The following PDE8A variants were observed in gnomAD, a reference collection of about 807,000 sequenced individuals.
The protein encoded by PDE8A is phosphodiesterase 8A.
A neutral mutation model predicts 105.0 loss-of-function variants in PDE8A; 59 were observed. That is an observed-to-expected ratio of 0.56 (90% CI 0.46 to 0.70). The LOEUF (loss-of-function observed/expected upper bound fraction) is 0.70, where lower values mean the gene tolerates loss of function less well. Ranked by LOEUF, PDE8A falls within the 30% of genes least tolerant of loss-of-function variation. PDE8A has a pLI of 0.00. For synonymous variants in PDE8A, 355 were observed against 371.9 expected (o/e 0.95, Z 0.52); for missense variants, 1,014 against 1,045.9 (o/e 0.97, Z 0.42).
intron 5 of PDE8A, among the ~76,000 whole-genome samples, chr15:85,081,013 A>G (rs2081456676): frequency 6.6e-6 from 1 of 152,226 alleles, no homozygotes; most frequent in Non-Finnish European, 1.5e-5. Flanking sequence ...CTAACTAATT[A>G]GTGCTAACTA....
rs1371863087 is a variant in PDE8A, at chr15:85,109,094, C to G, written c.1078C>G (p.Leu360Val). 1 of 1,611,808 alleles carries G rather than the reference C, an allele frequency of 6.2e-7. No individual in the cohort carries two copies. The highest frequency in any genetic ancestry group is 8.5e-7 in the Non-Finnish European group (1 of 1,178,444). ...GKHKDRRKGS[L>V]DVKAVASRAT... ...ACATAAAGACAGGAGAAAAGGCTCA[C>G]TAGACGTCAAAGCTGTTGCCTCCCG... Residue 360 changes from leucine to valine, a missense_variant, in exon 12 of 22, where the codon CTA (leucine) becomes GTA (valine). Leu to Val is a conservative substitution (Grantham distance 32). Transcript: ENST00000394553.
In PDE8A at chr15:85,137,990, G is replaced by A. The variant is rs921165199; in HGVS notation, c.*87G>A. ...CAGCCAGAGCTCCTTGGTCCTTTCA[G>A]TACTAGGCAGAACAGCCCCCGATCT... On this transcript the variant is annotated 3_prime_UTR_variant, in exon 22 of 22. Coordinates refer to ENST00000394553, the MANE Select transcript of PDE8A (RefSeq NM_002605.3). 2.5e-6 allele frequency: 2 copies of A among 803,478 alleles called. No individual in the cohort carries two copies. The highest frequency in any genetic ancestry group is 4.2e-6 in the Non-Finnish European group (2 of 470,810). The allele number at this position is 803,478 out of a possible 1,614,324, so 49.8% of individuals were successfully genotyped here. A position where few individuals can be genotyped will look rare whatever the true frequency, so the allele number is the denominator to read the frequency against.
chr15:85,134,217 C>T (rs2082370136), intron 20 of PDE8A, among the ~76,000 whole-genome samples: 1 of 152,156 alleles, frequency 6.6e-6, no homozygotes, highest in Non-Finnish European at 1.5e-5. Flanking sequence ...GAGGGCAGGC[C>T]CTGAGAGCAG....
At chr15:85,080,678 T>G (rs2081450204) in intron 5 of PDE8A, among the ~76,000 whole-genome samples, 1 of 152,202 alleles carries the variant, frequency 6.6e-6, no homozygotes, top group African/African-American at 2.4e-5. Context: ...AGAAAGAGCA[T>G]CCTGGTAGAA....
At chr15:85,027,492 A>G (rs1261911763) in intron 1 of PDE8A, among the ~76,000 whole-genome samples, 2 of 152,202 alleles carry the variant, frequency 1.3e-5, no homozygotes, top group Non-Finnish European at 2.9e-5. Flanking sequence ...AAGAAAAGAC[A>G]TGCTATGTGT....
intron 12 of PDE8A, among the ~76,000 whole-genome samples, chr15:85,110,558 G>A (rs201641846): frequency 6.6e-6 from 1 of 151,518 alleles, no homozygotes; most frequent in Non-Finnish European, 1.5e-5. Context: ...AGTATGGCTT[G>A]TTTGTGTCTA....
intron 21 of PDE8A, among the ~76,000 whole-genome samples, chr15:85,137,535 T>C (rs1228347774): frequency 6.6e-6 from 1 of 152,170 alleles, no homozygotes; most frequent in Non-Finnish European, 1.5e-5. Context: ...TTAATGGTAA[T>C]TAAGCAGATT....
chr15:85,086,846 G>A (rs2081560910), intron 6 of PDE8A, among the ~76,000 whole-genome samples: 1 of 151,954 alleles, frequency 6.6e-6, no homozygotes, highest in South Asian at 2.1e-4. Context: ...CACCTCCCAG[G>A]TTCAAGCGAT....
chr15:85,040,563 T>TTA (rs112513483), intron 1 of PDE8A, among the ~76,000 whole-genome samples: 1 of 19,572 alleles, frequency 5.1e-5, no homozygotes, highest in Non-Finnish European at 8.9e-5. Flanking sequence ...TGCTTATGTA[T>TTA]TTTTTTTTTT....
At chr15:84,985,880 A>G (rs538170809) in intron 1 of PDE8A, among the ~76,000 whole-genome samples, 2 of 152,206 alleles carry the variant, frequency 1.3e-5, no homozygotes, top group African/African-American at 2.4e-5. Context: ...CACTGTACCC[A>G]GGGAATAATA....
intron 1 of PDE8A, among the ~76,000 whole-genome samples, chr15:85,011,596 G>A (rs2080240209): frequency 6.6e-6 from 1 of 152,142 alleles, no homozygotes; most frequent in Admixed American, 6.5e-5. Context: ...GGTTTTCCTA[G>A]AAGAAAACCT....
At chr15:85,135,722 A>G (rs2082398774) in intron 20 of PDE8A, among the ~76,000 whole-genome samples, 1 of 152,124 alleles carries the variant, frequency 6.6e-6, no homozygotes, top group Non-Finnish European at 1.5e-5. Context: ...ATTGGGCCAA[A>G]ATGAGACCTT....
intron 8 of PDE8A, among the ~76,000 whole-genome samples, chr15:85,096,885 TCTTTTTGATCTG>T (rs2081763979): frequency 6.6e-6 from 1 of 152,218 alleles, no homozygotes; most frequent in Non-Finnish European, 1.5e-5. Flanking sequence ...TATTCTGGTT[TCTTTTTGATCTG>T]CTTTCCCAGA....
intron 1 of PDE8A, among the ~76,000 whole-genome samples, chr15:85,057,998 T>G (rs1288074853): frequency 6.6e-6 from 1 of 152,164 alleles, no homozygotes; most frequent in Admixed American, 6.6e-5. Context: ...GCCTGTAATT[T>G]TCTTTTAGTG....
At chr15:85,089,552 A>G in intron 7 of PDE8A, 136 bp downstream of exon 7, 1 of 545,358 alleles carries the variant, frequency 1.8e-6, no homozygotes, top group Non-Finnish European at 3.3e-6. Flanking sequence ...GAGGATTATC[A>G]GAACAAAATC....
chr15:85,101,452 A>G (rs1567286041), intron 11 of PDE8A, among the ~76,000 whole-genome samples: 1 of 152,208 alleles, frequency 6.6e-6, no homozygotes, highest in Non-Finnish European at 1.5e-5. Flanking sequence ...TGTTCCAGAA[A>G]AAGCAAGTAC....
intron 17 of PDE8A, among the ~76,000 whole-genome samples, chr15:85,119,895 C>T (rs895815610): frequency 6.0e-4 from 91 of 151,870 alleles, no homozygotes; most frequent in Admixed American, 3.9e-4. Flanking sequence ...TTTTAAATGC[C>T]TTAATTACTT....
intron 2 of PDE8A, among the ~76,000 whole-genome samples, chr15:85,066,696 TG>T (rs2033200252): frequency 6.6e-6 from 1 of 151,326 alleles, no homozygotes. Flanking sequence ...CCCAACACTT[TG>T]GGAGGCTGAG....
chr15:85,037,499 T>G (rs1168037998), intron 1 of PDE8A, among the ~76,000 whole-genome samples: 4 of 152,242 alleles, frequency 2.6e-5, no homozygotes, highest in Non-Finnish European at 4.4e-5. Flanking sequence ...TTGCCTGATT[T>G]GAACTTTATT....
Sources: allele counts gnomAD v4.1 joint callset (sites outside exome capture counted in the v4.1 genomes callset), GRCh38; gene constraint gnomAD v4.1.1; transcripts MANE v1.5; gene names NCBI Gene and HGNC (gene_info 2026-07-23, HGNC 2026-07-21).